RBFOX1: variants seen among roughly 807,000 people sequenced by gnomAD.
RBFOX1 encodes RNA binding fox-1 homolog 1, also known as RNA binding protein fox-1 homolog 1.
RBFOX1 carries 8 observed loss-of-function variants against 57.7 expected under a neutral mutation model. The ratio of observed to expected loss-of-function variants is 0.14; its 90% CI spans 0.08 to 0.25. The LOEUF is 0.25. Ranked by LOEUF, RBFOX1 falls within the 10% of genes least tolerant of loss-of-function variation. The pLI is 1.00. For synonymous variants in RBFOX1, 326 were observed against 222.4 expected (o/e 1.47, Z -4.15); for missense variants, 611 against 548.5 (o/e 1.11, Z -1.14).
At chr16:7,131,961 T>G (rs1234120028) in intron 4 of RBFOX1, among the ~76,000 whole-genome samples, 1 of 151,736 alleles carries the variant, frequency 6.6e-6, no homozygotes, top group Non-Finnish European at 1.5e-5. Flanking sequence ...CTGGAGAACT[T>G]TAAAAAACAT....
chr16:6,254,969 T>C (rs970789382), intron 1 of RBFOX1, among the ~76,000 whole-genome samples: 21 of 152,008 alleles, frequency 1.4e-4, no homozygotes, highest in Non-Finnish European at 4.4e-5. Context: ...TTAAAATATA[T>C]ATGGTTTTGG....
intron 3 of RBFOX1, among the ~76,000 whole-genome samples, chr16:5,811,369 C>A (rs1597346087): frequency 6.6e-6 from 1 of 151,956 alleles, no homozygotes; most frequent in Non-Finnish European, 1.5e-5. Context: ...TGTTGAACTC[C>A]TGACCTCAGG....
At chr16:6,939,807 G>T (rs531621627) in intron 3 of RBFOX1, among the ~76,000 whole-genome samples, 1 of 152,166 alleles carries the variant, frequency 6.6e-6, no homozygotes, top group South Asian at 2.1e-4. Context: ...CCATCATGCT[G>T]GACCAGAATT....
At chr16:6,359,449 T>C (rs1398150340) in intron 2 of RBFOX1, among the ~76,000 whole-genome samples, 1 of 152,152 alleles carries the variant, frequency 6.6e-6, no homozygotes, top group Middle Eastern at 3.2e-3. Flanking sequence ...GGTGGAGACT[T>C]TCAGCCACCT....
chr16:7,136,996 C>G (rs1431783763), intron 4 of RBFOX1, among the ~76,000 whole-genome samples: 10 of 152,220 alleles, frequency 6.6e-5, no homozygotes, highest in African/African-American at 2.4e-4. Context: ...TGCAACAGGA[C>G]TTTTATTTCA....
intron 2 of RBFOX1, among the ~76,000 whole-genome samples, chr16:6,426,986 G>C (rs893065631): frequency 2.0e-5 from 3 of 151,998 alleles, no homozygotes; most frequent in African/African-American, 7.3e-5. Flanking sequence ...CTGTATAATT[G>C]AGTTTCTGTG....
chr16:6,044,847 C>G (rs186475480), intron 1 of RBFOX1, among the ~76,000 whole-genome samples: 1 of 152,150 alleles, frequency 6.6e-6, no homozygotes, highest in African/African-American at 2.4e-5. Flanking sequence ...TCTCATTGTT[C>G]CCTCATGTTT....
rs578255977 is a variant in RBFOX1 at position 6,248,485 on chromosome 16, C to T, written c.-126-68510C>T. On this transcript the variant is annotated intron_variant, in intron 1 of 15. Transcript: ENST00000550418. ...AGTCACAGCTACTAAGAGCAATGTG[C>T]GTAGAGTATATTCTGAAAGGAGAGG... Among the ~76,000 whole-genome samples the T allele has an allele frequency of 1.7e-3, 251 of 152,064 alleles. 1 individual carries two copies. The highest frequency in any genetic ancestry group is 5.7e-3 in the African/African-American group (237 of 41,466).
In RBFOX1 at chr16:7,326,788, G is replaced by T. The variant is rs1407107489; in HGVS notation, c.28-191359G>T. Reference sequence around the variant, plus strand: ...CAGCCTCTCCAACTTTGAAACGCAGGCTTTTCCTACTGTTGTGATGCCCTC... The same window carrying T: ...CAGCCTCTCCAACTTTGAAACGCAGTCTTTTCCTACTGTTGTGATGCCCTC... On this transcript the variant is annotated intron_variant, in intron 4 of 15. Coordinates refer to ENST00000550418, the MANE Select transcript of RBFOX1 (RefSeq NM_018723.4). Among the ~76,000 whole-genome samples, 5 of 152,008 alleles carry T rather than the reference G, an allele frequency of 3.3e-5. No homozygotes were observed. In the South Asian group the frequency reaches 8.3e-4, roughly 25 times the overall value.
chr16:7,217,107 C>G (rs1430815310), intron 4 of RBFOX1, among the ~76,000 whole-genome samples: 1 of 143,330 alleles, frequency 7.0e-6, no homozygotes, highest in Non-Finnish European at 1.5e-5. Flanking sequence ...CTTCCCTTCC[C>G]TTTCCTTTCC....
chr16:6,746,618 C>T (rs1435465928), intron 3 of RBFOX1, among the ~76,000 whole-genome samples: 3 of 151,662 alleles, frequency 2.0e-5, no homozygotes, highest in Non-Finnish European at 4.4e-5. Context: ...GTTGAGGCTG[C>T]AGTGACCTGT....
At chr16:5,482,405 A>G (rs1167866692) in intron 2 of RBFOX1, among the ~76,000 whole-genome samples, 1 of 152,202 alleles carries the variant, frequency 6.6e-6, no homozygotes, top group Non-Finnish European at 1.5e-5. Context: ...TGCTTCCTGC[A>G]GCCCAGGCGG....
chr16:6,327,303 C>T lies in RBFOX1; in HGVS notation c.-64+10246C>T, dbSNP rs146091718. 5.3e-5 allele frequency among the ~76,000 whole-genome samples: 8 copies of T among 152,050 alleles called. No individual in the cohort carries two copies. The South Asian group carries it at 1.0e-3, about 20-fold the overall frequency. On this transcript the variant is annotated intron_variant, in intron 2 of 15. Coordinates refer to ENST00000550418, the MANE Select transcript of RBFOX1 (RefSeq NM_018723.4). ...ATATAACATCAGGATGATGTTTTTC[C>T]GCTTTATCTTAGAATATCTAGTAGG...
At chr16:6,906,895 T>C (rs1005166123) in intron 3 of RBFOX1, among the ~76,000 whole-genome samples, 2 of 152,174 alleles carry the variant, frequency 1.3e-5, no homozygotes, top group Admixed American at 6.5e-5. Flanking sequence ...GTTAATTTTT[T>C]GTATTTTTAG....
chr16:7,528,461 A>G (rs978728774), intron 5 of RBFOX1, among the ~76,000 whole-genome samples: 3 of 152,172 alleles, frequency 2.0e-5, no homozygotes, highest in African/African-American at 7.2e-5. Context: ...TGATTGCCCC[A>G]TTAAGCAATT....
At chr16:6,741,788 C>G (rs1007823207) in intron 3 of RBFOX1, among the ~76,000 whole-genome samples, 1 of 152,092 alleles carries the variant, frequency 6.6e-6, no homozygotes, top group East Asian at 1.9e-4. Context: ...GAATTAATAT[C>G]TATAAATTTA....
intron 4 of RBFOX1, among the ~76,000 whole-genome samples, chr16:7,068,847 C>A (rs992613143): frequency 2.0e-5 from 3 of 152,200 alleles, no homozygotes; most frequent in East Asian, 1.9e-4. Flanking sequence ...CCATGGCCTC[C>A]CAATGTGCTG....
At chr16:7,655,580 T>A (rs2144972212) in intron 12 of RBFOX1, among the ~76,000 whole-genome samples, 1 of 152,132 alleles carries the variant, frequency 6.6e-6, no homozygotes, top group East Asian at 1.9e-4. Flanking sequence ...AATGTAAAAA[T>A]AAAGATTTGT....
Position 7,564,540 on chromosome 16 carries a change from C to CAAAAAAAAA in RBFOX1, c.271-15217_271-15209dup, listed in dbSNP as rs5815409. Among the ~76,000 whole-genome samples the CAAAAAAAAA allele has an allele frequency of 2.8e-4, 23 of 82,518 alleles. 5 individuals carry two copies. Among genetic ancestry groups the CAAAAAAAAA allele is most frequent in the African/African-American group, 1.9e-3 (20 of 10,458 alleles). 54.1% of individuals were successfully genotyped at this position (82,518 alleles called of 152,430 possible). A position where few individuals can be genotyped will look rare whatever the true frequency, so the allele number is the denominator to read the frequency against. ...TGGCTGACAGAGCAAGACTCCATCT[C>CAAAAAAAAA]AAAAAAAAAAAAAAAAAAAAAAAAA... On this transcript the variant is annotated intron_variant, in intron 5 of 15. Transcript: ENST00000550418.
Sources: gnomAD v4.1 joint callset for allele counts (sites outside exome capture counted in the v4.1 genomes callset) on GRCh38, gnomAD v4.1.1 for gene constraint, MANE v1.5 for transcripts, NCBI Gene and HGNC (gene_info 2026-07-23, HGNC 2026-07-21) for gene names.